FAM107B: variants seen among roughly 807,000 people sequenced by gnomAD.
The protein encoded by FAM107B is protein FAM107B.
FAM107B carries 21 observed loss-of-function variants against 31.5 expected under a neutral mutation model. The observed-to-expected ratio is 0.67, with a 90% CI of 0.47 to 0.96. FAM107B has a LOEUF of 0.96. FAM107B is among the 40% of genes least tolerant of loss of function. The probability of loss-of-function intolerance (pLI) is 0.00; values close to 1 mark genes in which losing one functional copy is unlikely to be tolerated. For synonymous variants in FAM107B, 157 were observed against 141.5 expected, an observed-to-expected ratio of 1.11 and a Z score of -0.78; for missense variants, 452 against 377.1, an observed-to-expected ratio of 1.20 and a Z score of -1.64.
chr10:14,719,529 C>T (rs955222099), intron 1 of FAM107B, among the ~76,000 whole-genome samples: 6 of 152,156 alleles, frequency 3.9e-5, no homozygotes, highest in South Asian at 2.1e-4. Context: ...GAACACACGC[C>T]GGTCATTTGC....
intron 2 of FAM107B, among the ~76,000 whole-genome samples, chr10:14,584,469 T>C (rs1851758978): frequency 6.6e-6 from 1 of 152,036 alleles, no homozygotes; most frequent in Non-Finnish European, 1.5e-5. Flanking sequence ...AACAAAAAAG[T>C]CTCAAAACAT....
At chr10:14,524,613 T>G (rs1020542828) in intron 3 of FAM107B, among the ~76,000 whole-genome samples, 1 of 152,206 alleles carries the variant, frequency 6.6e-6, no homozygotes, top group African/African-American at 2.4e-5. Flanking sequence ...AATAAAGGTG[T>G]TATTAACCAC....
At chr10:14,594,416 A>G (rs1187246092) in intron 2 of FAM107B, among the ~76,000 whole-genome samples, 3 of 148,772 alleles carry the variant, frequency 2.0e-5, no homozygotes, top group Non-Finnish European at 4.4e-5. Flanking sequence ...AGGTGGGAAG[A>G]TCCCTTGAGC....
intron 1 of FAM107B, among the ~76,000 whole-genome samples, chr10:14,722,667 CT>C (rs1424840789): frequency 6.6e-6 from 1 of 152,012 alleles, no homozygotes; most frequent in Non-Finnish European, 1.5e-5. Context: ...TTAAATTGAT[CT>C]TTTTATTGTT....
intron 2 of FAM107B, among the ~76,000 whole-genome samples, chr10:14,570,177 A>G (rs1048361466): frequency 6.6e-6 from 1 of 152,038 alleles, no homozygotes; most frequent in Non-Finnish European, 1.5e-5. Context: ...AGGGTAGCCC[A>G]TATTTTTTCT....
intron 2 of FAM107B, among the ~76,000 whole-genome samples, chr10:14,603,586 G>A (rs576652062): frequency 6.6e-6 from 1 of 152,300 alleles, no homozygotes; most frequent in East Asian, 1.9e-4. Context: ...ATACCCATCA[G>A]TGCCACCTCC....
intron 2 of FAM107B, among the ~76,000 whole-genome samples, chr10:14,648,910 G>A (rs1219382820): frequency 6.6e-6 from 1 of 152,180 alleles, no homozygotes; most frequent in African/African-American, 2.4e-5. Context: ...TTCCCCTAAA[G>A]AAGCTTCCTG....
rs545757733 is a variant in FAM107B at position 14,693,375 on chromosome 10, C to G, written c.412-25684G>C. 4.8e-4 allele frequency among the ~76,000 whole-genome samples: 73 copies of G among 151,428 alleles called. No individual in the cohort carries two copies. The South Asian group carries it at 0.014, about 28-fold the overall frequency. The stretch of plus-strand genomic sequence containing the variant: ...TGCCTGTAATCCCAGCTACTTGGGA[C>G]GCTGAGGCAGGAGAATTCCTTGAAC... On this transcript the variant is annotated intron_variant, in intron 1 of 4. Coordinates refer to ENST00000181796, the MANE Select transcript of FAM107B (RefSeq NM_031453.4).
chr10:14,724,996 C>T (rs559398677), intron 1 of FAM107B, among the ~76,000 whole-genome samples: 40 of 152,330 alleles, frequency 2.6e-4, no homozygotes, highest in African/African-American at 9.4e-4. Flanking sequence ...AACAACATTG[C>T]TTTGAATGTA....
At chr10:14,603,001 A>C (rs924535919) in intron 2 of FAM107B, among the ~76,000 whole-genome samples, 1 of 112,826 alleles carries the variant, frequency 8.9e-6, no homozygotes, top group African/African-American at 4.2e-5. Context: ...CCTCTTTCCC[A>C]CACACACACA....
chr10:14,686,170 C>T (rs1174874376), intron 1 of FAM107B, among the ~76,000 whole-genome samples: 1 of 152,076 alleles, frequency 6.6e-6, no homozygotes, highest in Non-Finnish European at 1.5e-5. Flanking sequence ...GGGCAGATCA[C>T]TTGAGGTCAG....
At chr10:14,530,939 C>T (rs1846916615) in intron 2 of FAM107B, among the ~76,000 whole-genome samples, 1 of 152,182 alleles carries the variant, frequency 6.6e-6, no homozygotes, top group Non-Finnish European at 1.5e-5. Flanking sequence ...AAAGAGGGGC[C>T]TATAAACTAA....
chr10:14,551,653 T>A (rs1376921165), intron 2 of FAM107B, among the ~76,000 whole-genome samples: 1 of 150,846 alleles, frequency 6.6e-6, no homozygotes, highest in East Asian at 1.9e-4. Context: ...ATTGAAGACA[T>A]AAACCTTATT....
intron 2 of FAM107B, among the ~76,000 whole-genome samples, chr10:14,632,208 G>A (rs1465730873): frequency 6.8e-6 from 1 of 146,464 alleles, no homozygotes; most frequent in Admixed American, 7.1e-5. Context: ...TGAGGCAAGA[G>A]AATCACTTGA....
At chr10:14,767,099 G>GAGAGAGAGAC (rs1438667429) in intron 1 of FAM107B, among the ~76,000 whole-genome samples, 1 of 110,026 alleles carries the variant, frequency 9.1e-6, no homozygotes, top group Non-Finnish European at 1.8e-5. Flanking sequence ...GAGAGAGAGA[G>GAGAGAGAGAC]ACAGAGAGAG....
At position 14,570,233 on chromosome 10, in the gene FAM107B, G is replaced by GGTGGGTGTGTGT. The variant is rs768204428; in HGVS notation, c.470-39719_470-39718insACACACACCCAC. ...ACGTACCTACCAAAAAAATGTGGTGGGTGTGTGTGTGTGTGTGTGTGTGTG... is the reference window on the plus strand; with the variant it reads ...ACGTACCTACCAAAAAAATGTGGTGGGTGGGTGTGTGTGTGTGTGTGTGTGTGTGTGTGTGTG... On this transcript the variant is annotated intron_variant, in intron 2 of 4. Transcript: ENST00000181796. 2.2e-3 allele frequency among the ~76,000 whole-genome samples: 313 copies of GGTGGGTGTGTGT among 140,422 alleles called. 4 individuals carry two copies. The East Asian group carries it at 0.029, about 13-fold the overall frequency. 92.1% of individuals were successfully genotyped at this position (140,422 alleles called of 152,430 possible). A position where few individuals can be genotyped will look rare whatever the true frequency, so the allele number is the denominator to read the frequency against.
intron 2 of FAM107B, among the ~76,000 whole-genome samples, chr10:14,571,552 A>G (rs1165221545): frequency 6.6e-6 from 1 of 152,220 alleles, no homozygotes; most frequent in East Asian, 1.9e-4. Flanking sequence ...AAAAAAAAAT[A>G]GTTCACAACT....
intron 1 of FAM107B, among the ~76,000 whole-genome samples, chr10:14,737,792 C>CTT (rs1856339725): frequency 6.6e-6 from 1 of 151,328 alleles, no homozygotes; most frequent in African/African-American, 2.4e-5. Context: ...CTCTCTCTCT[C>CTT]TCTCTCTCCT....
At chr10:14,664,214 T>C (rs1854346199) in intron 2 of FAM107B, among the ~76,000 whole-genome samples, 1 of 152,248 alleles carries the variant, frequency 6.6e-6, no homozygotes, top group Non-Finnish European at 1.5e-5. Flanking sequence ...ACTGAAGCTC[T>C]GTGAAGGCAA....
Sources: gnomAD v4.1 joint callset for allele counts (sites outside exome capture counted in the v4.1 genomes callset) on GRCh38, gnomAD v4.1.1 for gene constraint, MANE v1.5 for transcripts, NCBI Gene and HGNC (gene_info 2026-07-23, HGNC 2026-07-21) for gene names.